Variants in NT5E observed in about 807,000 individuals in gnomAD.
NT5E encodes 5'-nucleotidase.
NT5E carries 53 observed loss-of-function variants against 55.1 expected under a neutral mutation model. That is an observed-to-expected ratio of 0.96 (90% confidence interval 0.77 to 1.21). The LOEUF is 1.21. Ranked by LOEUF, NT5E falls within the 50% of genes most tolerant of loss-of-function variation. NT5E has a pLI of 0.00. For synonymous variants in NT5E, 270 were observed against 278.4 expected (o/e 0.97, Z 0.30); for missense variants, 683 against 724.3 (o/e 0.94, Z 0.65).
intron 3 of NT5E, 102 bp downstream of exon 3, chr6:85,471,527 T>C (rs1769308150): frequency 2.5e-6 from 2 of 806,188 alleles, no homozygotes; most frequent in Non-Finnish European, 4.0e-6. Flanking sequence ...CTATTTAATA[T>C]GTAATGTATA....
intron 3 of NT5E, among the ~76,000 whole-genome samples, chr6:85,481,826 T>G (rs1387119760): frequency 6.6e-6 from 1 of 152,234 alleles, no homozygotes; most frequent in Non-Finnish European, 1.5e-5. Flanking sequence ...AGGAAGTGCA[T>G]GATCATATTT....
At chr6:85,463,270 A>C (rs1325138140) in intron 1 of NT5E, among the ~76,000 whole-genome samples, 2 of 152,240 alleles carry the variant, frequency 1.3e-5, no homozygotes, top group East Asian at 3.8e-4. Flanking sequence ...TTTAGTAAAC[A>C]TATACAAGAT....
chr6:85,459,378 G>A (rs1012530895), intron 1 of NT5E, among the ~76,000 whole-genome samples: 27 of 152,270 alleles, frequency 1.8e-4, no homozygotes, highest in Admixed American at 1.5e-3. Context: ...CTGACAAATG[G>A]CTTTTTGACA....
At chr6:85,467,010 G>A (rs1769208316) in intron 1 of NT5E, 50 bp from the exon 2 acceptor site, 15 of 1,527,158 alleles carry the variant, frequency 9.8e-6, no homozygotes, top group Non-Finnish European at 1.3e-5. Flanking sequence ...CTGGACTAAT[G>A]TTATGTTTTT....
intron 4 of NT5E, among the ~76,000 whole-genome samples, chr6:85,486,631 G>A (rs1249780417): frequency 6.6e-6 from 1 of 152,144 alleles, no homozygotes; most frequent in Non-Finnish European, 1.5e-5. Flanking sequence ...CTCTCTGCAG[G>A]GGGAAGCACA....
At chr6:85,482,270 G>A (rs974045453) in intron 3 of NT5E, among the ~76,000 whole-genome samples, 1 of 151,986 alleles carries the variant, frequency 6.6e-6, no homozygotes. Context: ...CAAGGCGAGA[G>A]GACTGCTTGA....
At chr6:85,471,158 C>T (rs763997223) in intron 2 of NT5E, 79 bp from the exon 3 acceptor site, 3 of 991,296 alleles carry the variant, frequency 3.0e-6, no homozygotes, top group South Asian at 1.7e-5. Context: ...GGTGTTTAAC[C>T]TTTGCATGTT....
intron 1 of NT5E, among the ~76,000 whole-genome samples, chr6:85,453,288 A>G (rs148697965): frequency 1.4e-3 from 213 of 152,122 alleles, no homozygotes; most frequent in African/African-American, 4.9e-3. Context: ...AGGAGTGATA[A>G]CCCCCATCTT....
intron 1 of NT5E, among the ~76,000 whole-genome samples, chr6:85,465,957 C>T (rs994393402): frequency 9.2e-5 from 14 of 152,164 alleles, no homozygotes; most frequent in Non-Finnish European, 1.6e-4. Flanking sequence ...CAAAGTGAAA[C>T]GAAACTGGAT....
rs952554584 is a variant in NT5E at position 85,485,272 on chromosome 6, C to T, written c.789C>T (p.Tyr263=). ...PPSKEVPAGK[Y]PFIVTSDDGR... is the part of the protein sequence containing the mutation. ...CCAAAGAGGTGCCTGCTGGGAAGTACCCATTCATAGTCACTTCTGATGATG... is the reference window on the plus strand; with the variant it reads ...CCAAAGAGGTGCCTGCTGGGAAGTATCCATTCATAGTCACTTCTGATGATG... The change falls in exon 4 of 9, where the codon TAC becomes TAT. Residue 263 remains tyrosine (Y), a synonymous_variant. Coordinates refer to ENST00000257770, the MANE Select transcript of NT5E (RefSeq NM_002526.4). 6.2e-7 allele frequency: 1 copy of T among 1,614,160 alleles called. No individual in the cohort carries two copies. Among genetic ancestry groups the T allele is most frequent in the Non-Finnish European group, 8.5e-7 (1 of 1,180,022 alleles).
At chr6:85,463,672 A>C (rs564763544) in intron 1 of NT5E, among the ~76,000 whole-genome samples, 1 of 152,276 alleles carries the variant, frequency 6.6e-6, no homozygotes, top group Admixed American at 6.5e-5. Flanking sequence ...TATTAATCAA[A>C]AATAATAGAA....
At chr6:85,483,893 G>A (rs61083956) in intron 3 of NT5E, among the ~76,000 whole-genome samples, 146 of 152,288 alleles carry the variant, frequency 9.6e-4, no homozygotes, top group East Asian at 9.1e-3. Context: ...GTAGGCTTGT[G>A]GGTAGTGGAG....
rs781495894 is a variant in NT5E at position 85,485,356 on chromosome 6, G to T, written c.873G>T (p.Lys291Asn). The change falls in exon 4 of 9, where the codon AAG becomes AAT. Residue 291 changes from lysine (K) to asparagine (N), a missense_variant. Physicochemically the swap from Lys to Asn is moderately conservative, Grantham distance 94. Transcript: ENST00000257770. ...YAFGKYLGYL[K>N]IEFDERGNVI... ...TTGGCAAATACCTAGGCTATCTGAA[G>T]ATCGAGTTTGATGAAAGAGGAAACG... 3.7e-5 allele frequency: 59 copies of T among 1,614,084 alleles called. No individual in the cohort carries two copies. Among genetic ancestry groups the T allele is most frequent in the Middle Eastern group, 1.6e-4 (1 of 6,084 alleles).
chr6:85,487,377 T>G lies in NT5E; in HGVS notation c.992T>G (p.Leu331Trp). 6.2e-7 allele frequency: 1 copy of G among 1,613,718 alleles called. No homozygotes were observed. Among genetic ancestry groups the G allele is most frequent in the South Asian group, 1.1e-5 (1 of 91,086 alleles). The change falls in exon 5 of 9, where the codon TTG becomes TGG. Residue 331 changes from leucine to tryptophan, a missense_variant. Coordinates refer to ENST00000257770, the MANE Select transcript of NT5E (RefSeq NM_002526.4). ...KADINKWRIK[L>W]DNYSTQELGK... Reference sequence around the variant, plus strand: ...GACATTAACAAATGGAGGATAAAATTGGATAATTATTCTACCCAGGAATTA... The same window carrying G: ...GACATTAACAAATGGAGGATAAAATGGGATAATTATTCTACCCAGGAATTA...
chr6:85,457,118 T>C (rs1582368324), intron 1 of NT5E, among the ~76,000 whole-genome samples: 1 of 152,246 alleles, frequency 6.6e-6, no homozygotes. Flanking sequence ...TTTTAATGCT[T>C]CCACACAGAG....
At chr6:85,452,304 G>A (rs949182450) in intron 1 of NT5E, among the ~76,000 whole-genome samples, 2 of 151,954 alleles carry the variant, frequency 1.3e-5, no homozygotes, top group Non-Finnish European at 2.9e-5. Context: ...CCTTTTTAGT[G>A]GAAAAATAAG....
chr6:85,485,714 A>G (rs533994751), intron 4 of NT5E, among the ~76,000 whole-genome samples: 1 of 152,318 alleles, frequency 6.6e-6, no homozygotes, highest in African/African-American at 2.4e-5. Context: ...AGCCACTCTC[A>G]GCTTGTGTTT....
chr6:85,484,044 C>A (rs1224267201), intron 3 of NT5E, among the ~76,000 whole-genome samples: 1 of 152,132 alleles, frequency 6.6e-6, no homozygotes, highest in Non-Finnish European at 1.5e-5. Flanking sequence ...TAATAGAGGA[C>A]CTGCCCCATG....
intron 3 of NT5E, among the ~76,000 whole-genome samples, chr6:85,480,303 A>G (rs866790068): frequency 6.6e-6 from 1 of 152,244 alleles, no homozygotes; most frequent in Non-Finnish European, 1.5e-5. Context: ...CTGAAAGGCC[A>G]GAGGCAAGAA....
Sources: gnomAD v4.1 joint callset for allele counts (sites outside exome capture counted in the v4.1 genomes callset) on GRCh38, gnomAD v4.1.1 for gene constraint, MANE v1.5 for transcripts, NCBI Gene and HGNC (gene_info 2026-07-23, HGNC 2026-07-21) for gene names.